TNS3: variants seen among roughly 807,000 people sequenced by gnomAD.
TNS3 encodes tensin 3, also known as tensin-3.
TNS3 carries 45 observed loss-of-function variants against 140.9 expected under a neutral mutation model. The ratio of observed to expected loss-of-function variants is 0.32; its 90% CI spans 0.25 to 0.41. The LOEUF (loss-of-function observed/expected upper bound fraction) is 0.41, where lower values mean the gene tolerates loss of function less well. Ranked by LOEUF, TNS3 falls within the 10% of genes least tolerant of loss-of-function variation. The pLI is 1.00. For synonymous variants in TNS3, 815 were observed against 788.4 expected (o/e 1.03, Z -0.56); for missense variants, 1,716 against 1,906.7 (o/e 0.90, Z 1.86).
chr7:47,341,397 G>C (rs946263304), intron 20 of TNS3, among the ~76,000 whole-genome samples: 1 of 152,130 alleles, frequency 6.6e-6, no homozygotes, highest in African/African-American at 2.4e-5. Context: ...AAATTACTAG[G>C]TCAATTTCCT....
At position 47,440,967 on chromosome 7, in the gene TNS3, C is replaced by T. The variant is rs538445871; in HGVS notation, c.-23+1036G>A. Reference sequence around the variant, plus strand: ...TCAAAATTACCAACACACAGCTAACCTCTGTCCATCAATATCTCCAGCAAT... The same window carrying T: ...TCAAAATTACCAACACACAGCTAACTTCTGTCCATCAATATCTCCAGCAAT... On this transcript the variant is annotated intron_variant, in intron 5 of 30. Coordinates refer to ENST00000311160, the MANE Select transcript of TNS3 (RefSeq NM_022748.12). Among the ~76,000 whole-genome samples, 69 of 152,292 alleles carry T rather than the reference C, an allele frequency of 4.5e-4. 1 individual carries two copies. In the South Asian group the frequency reaches 0.014, roughly 31 times the overall value.
At chr7:47,380,763 C>CGT (rs1491231387) in intron 16 of TNS3, among the ~76,000 whole-genome samples, 1 of 140,684 alleles carries the variant, frequency 7.1e-6, no homozygotes, top group East Asian at 2.0e-4. Flanking sequence ...CACATATGCA[C>CGT]GCGCGCGCAC....
At chr7:47,432,431 G>A (rs1280762285) in intron 8 of TNS3, among the ~76,000 whole-genome samples, 1 of 152,094 alleles carries the variant, frequency 6.6e-6, no homozygotes, top group Non-Finnish European at 1.5e-5. Context: ...CCTTGAGCTT[G>A]GACATCTCAG....
intron 4 of TNS3, among the ~76,000 whole-genome samples, chr7:47,469,662 G>A (rs571165616): frequency 1.3e-5 from 2 of 152,246 alleles, no homozygotes; most frequent in East Asian, 3.9e-4. Flanking sequence ...GTGCCATTAA[G>A]GGTGGACTGG....
At chr7:47,314,637 A>G (rs911916915) in intron 20 of TNS3, among the ~76,000 whole-genome samples, 2 of 152,212 alleles carry the variant, frequency 1.3e-5, no homozygotes, top group Non-Finnish European at 2.9e-5. Context: ...TTAAACTACC[A>G]TGAACATTTT....
Position 47,368,742 on chromosome 7 carries a change from C to G in TNS3, c.1904G>C (p.Arg635Pro). The G allele has an allele frequency of 6.3e-7, 1 of 1,580,452 alleles. No individual in the cohort carries two copies. The highest frequency in any genetic ancestry group is 8.6e-7 in the Non-Finnish European group (1 of 1,162,878). Reference protein sequence around the residue: ...AQPRVPLTPTRGTSSRVAVQR... With the variant: ...AQPRVPLTPTPGTSSRVAVQR... ...GACAGCCACCCTACTGCTGGTCCCT[C>G]GGGTGGGGGTGAGTGGCACTCTGGG... Residue 635 changes from arginine to proline, a missense_variant, in exon 17 of 31, where the codon CGA (arginine) becomes CCA (proline). Physicochemically the swap from Arg to Pro is moderately radical, Grantham distance 103. This residue lies in a region of TNS3 where 1,163 missense variants were observed against 1,182.1 expected (regional missense o/e 0.98). Coordinates refer to ENST00000311160, the MANE Select transcript of TNS3 (RefSeq NM_022748.12).
chr7:47,504,843 A>G (rs1439680181), intron 3 of TNS3, among the ~76,000 whole-genome samples: 1 of 152,204 alleles, frequency 6.6e-6, no homozygotes, highest in East Asian at 1.9e-4. Context: ...AAGCTGTATT[A>G]TAAAAAAAAT....
intron 4 of TNS3, among the ~76,000 whole-genome samples, 186 bp downstream of exon 4, chr7:47,480,917 G>A: frequency 6.6e-6 from 1 of 152,240 alleles, no homozygotes; most frequent in Non-Finnish European, 1.5e-5. Context: ...AAAAAACCAT[G>A]CAAATGGCCA....
chr7:47,316,660 C>T (rs1198394708), intron 20 of TNS3, among the ~76,000 whole-genome samples: 2 of 150,390 alleles, frequency 1.3e-5, no homozygotes, highest in Non-Finnish European at 2.9e-5. Context: ...GAAACACCGT[C>T]TCTATTCAAA....
chr7:47,548,357 T>C (rs62446487), intron 1 of TNS3, among the ~76,000 whole-genome samples: 9,022 of 152,220 alleles, frequency 0.059, 350 homozygotes, highest in Middle Eastern at 0.14. Context: ...GTTCCCCTTA[T>C]AGGAAGCCTT....
chr7:47,376,523 G>A (rs931402498), intron 16 of TNS3, among the ~76,000 whole-genome samples: 1 of 152,216 alleles, frequency 6.6e-6, no homozygotes, highest in Non-Finnish European at 1.5e-5. Flanking sequence ...AAGCAATCCT[G>A]TGAAGCAGGA....
chr7:47,351,010 A>G (rs1025077450), intron 17 of TNS3, among the ~76,000 whole-genome samples: 7 of 152,222 alleles, frequency 4.6e-5, no homozygotes, highest in Non-Finnish European at 8.8e-5. Context: ...GTGTAATTCT[A>G]GGCACCATTC....
At chr7:47,412,986 G>A (rs1198995220) in intron 12 of TNS3, among the ~76,000 whole-genome samples, 2 of 151,850 alleles carry the variant, frequency 1.3e-5, no homozygotes, top group Admixed American at 6.6e-5. Context: ...ACCGAGTCTC[G>A]CTCTGTCGCC....
intron 3 of TNS3, among the ~76,000 whole-genome samples, chr7:47,491,997 G>A (rs73695351): frequency 0.07 from 10,611 of 152,212 alleles, 1,173 homozygotes; most frequent in African/African-American, 0.23. Flanking sequence ...GCAAATGAAG[G>A]AACGCTTTTT....
rs778148445 is a variant in TNS3 at position 47,368,933 on chromosome 7, T to G, written c.1713A>C (p.Ser571=). ...KQPQPLLRKP[S]VSAQMQAYGQ... ...CATAGGCCTGCATCTGGGCGGACAC[T>G]GAGGGCTTTCTCAGCAGGGGCTGGG... Residue 571 remains serine, a synonymous_variant, in exon 17 of 31, where the codon TCA becomes TCC. Coordinates refer to ENST00000311160, the MANE Select transcript of TNS3 (RefSeq NM_022748.12). The G allele has an allele frequency of 3.9e-5, 63 of 1,613,444 alleles. 1 individual carries two copies. The Admixed American group carries it at 1.1e-3, about 27-fold the overall frequency.
chr7:47,448,520 C>T (rs963536758), intron 4 of TNS3, among the ~76,000 whole-genome samples: 17 of 148,594 alleles, frequency 1.1e-4, no homozygotes, highest in Admixed American at 1.1e-3. Flanking sequence ...CACTCTGCCA[C>T]CCAGGCTGGA....
intron 2 of TNS3, among the ~76,000 whole-genome samples, chr7:47,519,275 G>A (rs921627041): frequency 2.0e-5 from 3 of 146,414 alleles, no homozygotes; most frequent in African/African-American, 5.1e-5. Context: ...ACAAGGCACG[G>A]GTGCAAAGGA....
At chr7:47,389,285 C>T (rs1234612300) in intron 16 of TNS3, among the ~76,000 whole-genome samples, 2 of 151,608 alleles carry the variant, frequency 1.3e-5, no homozygotes, top group Non-Finnish European at 1.5e-5. Context: ...CAGGACACCC[C>T]GTCCAGTGGG....
chr7:47,548,766 T>G (rs1267081902), intron 1 of TNS3, among the ~76,000 whole-genome samples: 2 of 151,998 alleles, frequency 1.3e-5, no homozygotes, highest in Non-Finnish European at 2.9e-5. Flanking sequence ...ACTCCAAGCT[T>G]CTTCTCCCCT....
Sources: allele counts gnomAD v4.1 joint callset (sites outside exome capture counted in the v4.1 genomes callset), GRCh38; gene constraint gnomAD v4.1.1; regional missense constraint gnomAD v4.1.1; transcripts MANE v1.5; gene names NCBI Gene and HGNC (gene_info 2026-07-23, HGNC 2026-07-21).